The following COL23A1 variants were observed in gnomAD, a reference collection of about 807,000 sequenced individuals.
COL23A1 encodes collagen alpha-1(XXIII) chain.
In COL23A1, 97 loss-of-function variants were observed where a neutral mutation model predicts 99.3. The observed-to-expected ratio is 0.98, with a 90% CI of 0.83 to 1.16. COL23A1 has a LOEUF of 1.16. Ranked by LOEUF, COL23A1 falls within the 50% of genes most tolerant of loss-of-function variation. The pLI, the probability that COL23A1 is intolerant of heterozygous loss-of-function variation, is 0.00. For synonymous variants in COL23A1, 320 were observed against 308.2 expected (o/e 1.04, Z -0.40); for missense variants, 762 against 757.4 (o/e 1.01, Z -0.07).
intron 2 of COL23A1, among the ~76,000 whole-genome samples, chr5:178,535,625 T>C (rs1212281864): frequency 6.6e-6 from 1 of 152,248 alleles, no homozygotes; most frequent in Non-Finnish European, 1.5e-5. Context: ...CAAGGCGTGG[T>C]CACAGGAACA....
In COL23A1 at chr5:178,308,989, G is replaced by A. The variant is rs1758517310; in HGVS notation, c.362-2070C>T. Among the ~76,000 whole-genome samples, 1 of 152,196 alleles carries A rather than the reference G, an allele frequency of 6.6e-6. No homozygotes were observed. Among genetic ancestry groups the A allele is most frequent in the African/African-American group, 2.4e-5 (1 of 41,456 alleles). ...GGGCTCTTGCCAGGCCTCAGGTTGTGCTCGGCCCAGCGAAGCAGTAGGCCC... is the reference window on the plus strand; with the variant it reads ...GGGCTCTTGCCAGGCCTCAGGTTGTACTCGGCCCAGCGAAGCAGTAGGCCC... On this transcript the variant is annotated intron_variant, in intron 2 of 28. Coordinates refer to ENST00000390654, the MANE Select transcript of COL23A1 (RefSeq NM_173465.4). The surrounding 1 kb of genome is among the most constrained non-coding windows in gnomAD (Gnocchi z 5.1).
chr5:178,261,831 A>C, intron 10 of COL23A1, 83 bp from the exon 11 acceptor site: 1 of 1,194,314 alleles, frequency 8.4e-7, no homozygotes. Flanking sequence ...TGGCTTTGTA[A>C]AAGGTGACAC....
chr5:178,485,456 C>CA (rs1486302072), intron 2 of COL23A1, among the ~76,000 whole-genome samples: 1 of 148,194 alleles, frequency 6.7e-6, no homozygotes, highest in Non-Finnish European at 1.5e-5. Context: ...GCCTGGGTGA[C>CA]AAAAGTGAGA....
intron 1 of COL23A1, among the ~76,000 whole-genome samples, chr5:178,584,308 C>CCACACACA (rs4045513): frequency 2.9e-3 from 426 of 145,132 alleles, no homozygotes; most frequent in Middle Eastern, 0.01. Context: ...CTGCACCTGG[C>CCACACACA]CACACACACA....
chr5:178,254,980 T>C lies in COL23A1; in HGVS notation c.929A>G (p.Asp310Gly). The change falls in exon 16 of 29, where the codon GAC (aspartate) becomes GGC (glycine). Residue 310 changes from aspartate to glycine, a missense_variant. By Grantham distance (94) the Asp-to-Gly change is moderately conservative. Transcript: ENST00000390654. ...GGCATCCAAGATCCTGCCATCATAG[T>C]CGATCACCACTGTGTCTCCCTGCTC... ...KGEQGDTVVIDYDGRILDALK... is the reference protein window; with the variant it reads ...KGEQGDTVVIGYDGRILDALK... 6.2e-7 allele frequency: 1 copy of C among 1,613,288 alleles called. No homozygotes were observed. The highest frequency in any genetic ancestry group is 1.3e-5 in the African/African-American group (1 of 74,862).
intron 8 of COL23A1, chr5:178,265,814 C>T (rs1216563864): frequency 1.9e-6 from 1 of 523,818 alleles, no homozygotes; most frequent in Non-Finnish European, 2.5e-6. Context: ...GGCAAAGCCA[C>T]TTAACCAAGC....
In COL23A1 at chr5:178,302,446, T is replaced by TGTGTG. The variant is rs1561842137; in HGVS notation, c.406+4428_406+4429insCACAC. 2.2e-4 allele frequency among the ~76,000 whole-genome samples: 25 copies of TGTGTG among 111,320 alleles called. 3 individuals are homozygous for TGTGTG. The East Asian group carries it at 3.6e-3, about 16-fold the overall frequency. 73.0% of individuals were successfully genotyped at this position (111,320 alleles called of 152,430 possible). On this transcript the variant is annotated intron_variant, in intron 3 of 28. Coordinates refer to ENST00000390654, the MANE Select transcript of COL23A1 (RefSeq NM_173465.4). The stretch of plus-strand genomic sequence containing the variant: ...CGCCGGAGCACGGCTTCAATCCACC[T>TGTGTG]CTGTGTGTGCCGGAGCACGGCTTCA...
chr5:178,371,576 G>A (rs1762804136), intron 2 of COL23A1, among the ~76,000 whole-genome samples: 1 of 152,164 alleles, frequency 6.6e-6, no homozygotes, highest in South Asian at 2.1e-4. Flanking sequence ...CCTCCCTCAG[G>A]GGCACTGTCA....
chr5:178,244,354 A>G (rs1018091652), intron 25 of COL23A1, among the ~76,000 whole-genome samples: 7 of 152,238 alleles, frequency 4.6e-5, no homozygotes, highest in Non-Finnish European at 8.8e-5. Flanking sequence ...ATCTGGGCCT[A>G]TGTCCCTCAA....
chr5:178,382,334 A>G (rs1763427557), intron 2 of COL23A1, among the ~76,000 whole-genome samples: 1 of 152,152 alleles, frequency 6.6e-6, no homozygotes, highest in Non-Finnish European at 1.5e-5. Flanking sequence ...TTTGTTTCCG[A>G]ATCAGGTTCT....
chr5:178,368,790 A>G (rs889067300), intron 2 of COL23A1, among the ~76,000 whole-genome samples: 1 of 152,248 alleles, frequency 6.6e-6, no homozygotes. Flanking sequence ...GCTGCAAGCC[A>G]AGTAGGACAC....
At chr5:178,499,929 G>A (rs576330278) in intron 2 of COL23A1, among the ~76,000 whole-genome samples, 5 of 152,288 alleles carry the variant, frequency 3.3e-5, no homozygotes, top group African/African-American at 4.8e-5. Context: ...ATATAATTAC[G>A]CTGAATGAAA....
intron 2 of COL23A1, among the ~76,000 whole-genome samples, chr5:178,525,931 C>T (rs1439698687): frequency 6.6e-6 from 1 of 152,266 alleles, no homozygotes; most frequent in Non-Finnish European, 1.5e-5. Context: ...GAACACAGGC[C>T]TGACCTCAAG....
intron 2 of COL23A1, among the ~76,000 whole-genome samples, chr5:178,391,502 G>A (rs1763960726): frequency 6.6e-6 from 1 of 152,168 alleles, no homozygotes; most frequent in Admixed American, 6.5e-5. Context: ...TAGACAGCAG[G>A]GAAATGCAAA....
intron 2 of COL23A1, among the ~76,000 whole-genome samples, chr5:178,327,689 G>A (rs930655278): frequency 6.6e-6 from 1 of 152,120 alleles, no homozygotes; most frequent in African/African-American, 2.4e-5. Flanking sequence ...GACAGTGCAC[G>A]TGGCCCTCTG....
In COL23A1 at chr5:178,290,493, G is replaced by C. The variant is rs1757397058; in HGVS notation, c.407-124C>G. 4 of 1,278,040 alleles carry C rather than the reference G, an allele frequency of 3.1e-6. No homozygotes were observed. In the East Asian group the frequency reaches 9.3e-5, roughly 30 times the overall value. The allele number at this position is 1,278,040 out of a possible 1,614,324, so 79.2% of individuals were successfully genotyped here. The stretch of plus-strand genomic sequence containing the variant: ...TGGCCACCTCTCCCCGGAAGGCTTT[G>C]ATGCTGCCATGGCTGTTTCCTGCCA... On this transcript the variant is annotated intron_variant, in intron 3 of 28. Transcript: ENST00000390654.
At chr5:178,506,475 T>C (rs1339351285) in intron 2 of COL23A1, among the ~76,000 whole-genome samples, 1 of 151,966 alleles carries the variant, frequency 6.6e-6, no homozygotes, top group African/African-American at 2.4e-5. Flanking sequence ...CCAAGGAACA[T>C]CCCCCTGGGC....
rs1172716626 is a variant in COL23A1, at chr5:178,238,584, A to G, written c.*114T>C. On this transcript the variant is annotated 3_prime_UTR_variant, in exon 29 of 29. Coordinates refer to ENST00000390654, the MANE Select transcript of COL23A1 (RefSeq NM_173465.4). ...CTGGGTGGGCATACTCTTGAATGTT[A>G]AAAGGCCACAGGTAGCGCATTCCAT... 1.4e-6 allele frequency: 2 copies of G among 1,416,016 alleles called. No individual in the cohort carries two copies. Among genetic ancestry groups the G allele is most frequent in the East Asian group, 4.6e-5 (2 of 43,458 alleles). 87.7% of individuals were successfully genotyped at this position (1,416,016 alleles called of 1,614,324 possible).
intron 2 of COL23A1, among the ~76,000 whole-genome samples, chr5:178,349,381 G>A (rs73346873): frequency 0.046 from 6,958 of 152,192 alleles, 239 homozygotes; most frequent in African/African-American, 0.096. Context: ...GAATCACACC[G>A]GTGTTGATAA....
Sources: allele counts gnomAD v4.1 joint callset (sites outside exome capture counted in the v4.1 genomes callset), GRCh38; gene constraint gnomAD v4.1.1; non-coding constraint Gnocchi (gnomAD v3.1); transcripts MANE v1.5; gene names NCBI Gene and HGNC (gene_info 2026-07-23, HGNC 2026-07-21).